The following NRXN3 variants were observed in gnomAD, a reference collection of about 807,000 sequenced individuals.
NRXN3 encodes the protein neurexin III.
Under a neutral mutation model 137.6 loss-of-function variants are expected in NRXN3, and 32 were observed. The observed-to-expected ratio is 0.23, with a 90% CI of 0.18 to 0.31. NRXN3 has a LOEUF of 0.31. Ranked by LOEUF, NRXN3 falls within the 10% of genes least tolerant of loss-of-function variation. The pLI is 1.00. For synonymous variants in NRXN3, 798 were observed against 784.5 expected (o/e 1.02, Z -0.29); for missense variants, 1,574 against 2,062.5 (o/e 0.76, Z 4.59).
chr14:78,247,298 G>A (rs72685773), intron 2 of NRXN3, among the ~76,000 whole-genome samples: 4,205 of 152,318 alleles, frequency 0.028, 129 homozygotes, highest in African/African-American at 0.07. Context: ...GTAAGACCCA[G>A]AAGACACAGG....
At chr14:79,648,215 A>C (rs221460) in intron 16 of NRXN3, among the ~76,000 whole-genome samples, 49,021 of 128,600 alleles carry the variant, frequency 0.38, 14,471 homozygotes, top group Middle Eastern at 0.63. Context: ...CAAACAAAAA[A>C]CAGAAAACTT....
At chr14:79,528,357 C>T (rs923256028) in intron 16 of NRXN3, among the ~76,000 whole-genome samples, 2 of 152,036 alleles carry the variant, frequency 1.3e-5, no homozygotes, top group African/African-American at 4.8e-5. Flanking sequence ...TTATAAACAC[C>T]ATCACATACT....
intron 4 of NRXN3, among the ~76,000 whole-genome samples, chr14:78,340,151 C>T (rs1201165214): frequency 1.3e-5 from 2 of 152,184 alleles, no homozygotes; most frequent in African/African-American, 4.8e-5. Context: ...TAGTTTGCAT[C>T]TGCAAGCCCG....
intron 10 of NRXN3, among the ~76,000 whole-genome samples, chr14:78,816,956 G>T (rs908571684): frequency 6.6e-6 from 1 of 152,098 alleles, no homozygotes; most frequent in Non-Finnish European, 1.5e-5. Flanking sequence ...CATGACTTTG[G>T]TGACAACTTA....
intron 8 of NRXN3, among the ~76,000 whole-genome samples, chr14:78,723,693 T>C (rs1357133751): frequency 6.6e-6 from 1 of 152,226 alleles, no homozygotes; most frequent in Non-Finnish European, 1.5e-5. Flanking sequence ...TCAAAGTGTA[T>C]AATGTGCTCA....
chr14:78,949,853 A>G (rs997336072), intron 10 of NRXN3, among the ~76,000 whole-genome samples: 14 of 152,194 alleles, frequency 9.2e-5, no homozygotes, highest in African/African-American at 3.4e-4. Context: ...AATTGGATAT[A>G]TATTTTTTTC....
intron 15 of NRXN3, among the ~76,000 whole-genome samples, chr14:79,213,663 A>G (rs2068047986): frequency 6.6e-6 from 1 of 151,470 alleles, no homozygotes; most frequent in Non-Finnish European, 1.5e-5. Context: ...AAACACCTTT[A>G]TTACATGGGT....
At chr14:79,727,385 C>T (rs192427561) in intron 19 of NRXN3, among the ~76,000 whole-genome samples, 6 of 152,146 alleles carry the variant, frequency 3.9e-5, no homozygotes, top group Admixed American at 3.9e-4. Flanking sequence ...ATGTTAATTT[C>T]TGAAATAAAT....
intron 15 of NRXN3, among the ~76,000 whole-genome samples, chr14:79,239,230 C>G (rs2073905659): frequency 6.6e-6 from 1 of 152,118 alleles, no homozygotes; most frequent in South Asian, 2.1e-4. Flanking sequence ...TAGTCTCCCT[C>G]TCAAAATATT....
At chr14:79,539,425 A>T (rs2097250975) in intron 16 of NRXN3, among the ~76,000 whole-genome samples, 2 of 152,208 alleles carry the variant, frequency 1.3e-5, no homozygotes, top group South Asian at 2.1e-4. Context: ...GGTCAAAGCA[A>T]GAAGGTATCG....
chr14:78,638,167 G>A (rs1005696447), intron 4 of NRXN3, among the ~76,000 whole-genome samples: 3 of 152,154 alleles, frequency 2.0e-5, no homozygotes, highest in African/African-American at 4.8e-5. Flanking sequence ...GAGTGACCCA[G>A]GCAGTGTGGA....
chr14:79,365,654 G>A (rs1347957455), intron 15 of NRXN3, among the ~76,000 whole-genome samples: 1 of 145,844 alleles, frequency 6.9e-6, no homozygotes, highest in Non-Finnish European at 1.5e-5. Flanking sequence ...GGGAAGCGGA[G>A]CTTGCAGTGA....
At chr14:78,705,047 C>G (rs2098331802) in intron 6 of NRXN3, among the ~76,000 whole-genome samples, 1 of 152,200 alleles carries the variant, frequency 6.6e-6, no homozygotes, top group South Asian at 2.1e-4. Context: ...GCAGTCTTTA[C>G]AAGCCCATGG....
chr14:79,046,599 TGTA>T (rs2099633438), intron 15 of NRXN3, among the ~76,000 whole-genome samples: 1 of 152,172 alleles, frequency 6.6e-6, no homozygotes, highest in Non-Finnish European at 1.5e-5. Context: ...CATAGGATCT[TGTA>T]GTGCAAAAAA....
intron 15 of NRXN3, among the ~76,000 whole-genome samples, chr14:79,132,063 C>T (rs1053114968): frequency 6.6e-6 from 1 of 152,240 alleles, no homozygotes; most frequent in Non-Finnish European, 1.5e-5. Context: ...CACCCACTGA[C>T]CTGCGCGCAC....
intron 19 of NRXN3, among the ~76,000 whole-genome samples, chr14:79,754,778 G>A (rs2099013497): frequency 6.6e-6 from 1 of 151,606 alleles, no homozygotes; most frequent in African/African-American, 2.4e-5. Flanking sequence ...GTTGTGGGAG[G>A]GACCTCTCGG....
intron 6 of NRXN3, among the ~76,000 whole-genome samples, chr14:78,705,520 A>G (rs1461599346): frequency 1.3e-5 from 2 of 152,178 alleles, no homozygotes; most frequent in Non-Finnish European, 2.9e-5. Flanking sequence ...CAGAACCTCA[A>G]TTCAGGACCC....
intron 10 of NRXN3, among the ~76,000 whole-genome samples, chr14:78,919,910 AT>A (rs1284910342): frequency 2.0e-5 from 3 of 152,224 alleles, no homozygotes; most frequent in Non-Finnish European, 4.4e-5. Context: ...CGTCACAGTC[AT>A]CATCTAATTT....
rs1324948836 is a variant in NRXN3, at chr14:79,544,682, A to G, written c.3444+77280A>G. 2.0e-5 allele frequency among the ~76,000 whole-genome samples: 3 copies of G among 152,196 alleles called. No homozygotes were observed. The East Asian group carries it at 5.8e-4, about 29-fold the overall frequency. On this transcript the variant is annotated intron_variant, in intron 16 of 20. Coordinates refer to ENST00000335750, the MANE Select transcript of NRXN3 (RefSeq NM_001330195.2). ...AGTTCTATGAATTGAAATCAATAGT[A>G]CTAAGGAGCGAAGAGCCTAGATCAC... is the stretch of plus-strand genomic sequence containing the variant.
Sources: allele counts gnomAD v4.1 joint callset (sites outside exome capture counted in the v4.1 genomes callset), GRCh38; gene constraint gnomAD v4.1.1; transcripts MANE v1.5; gene names NCBI Gene and HGNC (gene_info 2026-07-23, HGNC 2026-07-21).